Variants in HFE observed in about 807,000 individuals in gnomAD.
HFE encodes the protein hereditary hemochromatosis protein.
HFE carries 36 observed loss-of-function variants against 40.9 expected under a neutral mutation model. The observed-to-expected ratio is 0.88, with a 90% CI of 0.67 to 1.16. HFE has a LOEUF of 1.16. Ranked by LOEUF, HFE falls within the 50% of genes most tolerant of loss-of-function variation. HFE has a pLI of 0.00. For missense variants in HFE, 376 were observed against 432.0 expected (o/e 0.87, Z 1.15); for synonymous variants, 157 against 165.4 (o/e 0.95, Z 0.39).
At chr6:26,092,350 A>G (rs2113758908) in intron 3 of HFE, among the ~76,000 whole-genome samples, 1 of 152,304 alleles carries the variant, frequency 6.6e-6, no homozygotes, top group East Asian at 1.9e-4. Context: ...TCCGCTTCTT[A>G]TAACAATGCC....
chr6:26,093,254 G>T (rs1762861558), intron 5 of HFE, 22 bp downstream of exon 5: 2 of 1,518,410 alleles, frequency 1.3e-6, no homozygotes, highest in Admixed American at 3.3e-5. Context: ...CAAGGGGGAA[G>T]TCTCTTAGTA....
In HFE at chr6:26,094,194, A is replaced by AG. The variant is rs754949709; in HGVS notation, c.1015_1016insG (p.Met339SerfsTer8). 2.7e-5 allele frequency: 44 copies of AG among 1,613,924 alleles called. No individual in the cohort carries two copies. In the African/African-American group the frequency reaches 5.7e-4, roughly 21 times the overall value. On this transcript the variant is annotated frameshift_variant, in exon 6 of 6. Coordinates refer to ENST00000357618, the MANE Select transcript of HFE (RefSeq NM_000410.4). LOFTEE classifies it high-confidence loss of function. Reference sequence around the variant, plus strand: ...GTCTCTTGTCTCCACAGGAGGAGCCATGGGGCACTACGTCTTAGCTGAACG... The same window carrying AG: ...GTCTCTTGTCTCCACAGGAGGAGCCAGTGGGGCACTACGTCTTAGCTGAACG...
Position 26,091,518 on chromosome 6 carries a change from A to G in HFE, c.545A>G (p.Tyr182Cys), listed in dbSNP as rs549729183. ...ATTCGGGCCAGGCAGAACAGGGCCTACCTGGAGAGGGACTGCCCTGCACAG... is the reference window on the plus strand; with the variant it reads ...ATTCGGGCCAGGCAGAACAGGGCCTGCCTGGAGAGGGACTGCCCTGCACAG... ...HKIRARQNRA[Y>C]LERDCPAQLQ... Residue 182 changes from tyrosine (Y) to cysteine (C), a missense_variant, in exon 3 of 6, where the codon TAC becomes TGC. By Grantham distance (194) the Tyr-to-Cys change is radical (BLOSUM62 -2). Transcript: ENST00000357618. The G allele has an allele frequency of 1.6e-5, 26 of 1,614,112 alleles. No homozygotes were observed. In the South Asian group the frequency reaches 2.7e-4, roughly 17 times the overall value.
Position 26,098,172 on chromosome 6 carries a change from G to T in HFE, c.*3946G>T, listed in dbSNP as rs1377341500. On this transcript the variant is annotated 3_prime_UTR_variant, in exon 6 of 6. Transcript: ENST00000357618. ...AAAGCCTAGGATGCGTTGACATCCT[G>T]CATGCATTTATTACTTGATATGCAT... The T allele has an allele frequency of 1.3e-5, 2 of 152,152 alleles. No homozygotes were observed. The highest frequency in any genetic ancestry group is 2.9e-5 in the Non-Finnish European group (2 of 68,032). 9.4% of individuals were successfully genotyped at this position (152,152 alleles called of 1,614,324 possible).
Position 26,095,165 on chromosome 6 carries a change from T to G in HFE, c.*939T>G, listed in dbSNP as rs565076857. On this transcript the variant is annotated 3_prime_UTR_variant, in exon 6 of 6. Coordinates refer to ENST00000357618, the MANE Select transcript of HFE (RefSeq NM_000410.4). ...TCTTACAATAATTCTATGAGATAGG[T>G]ACTATTATCCCCATTTCTTTTTTAA... 6.6e-6 allele frequency: 1 copy of G among 152,396 alleles called. No individual in the cohort carries two copies. Among genetic ancestry groups the G allele is most frequent in the Non-Finnish European group, 1.5e-5 (1 of 68,080 alleles). The allele number at this position is 152,396 out of a possible 1,614,324, so 9.4% of individuals were successfully genotyped here.
At chr6:26,087,602 C>A in intron 1 of HFE, 86 bp downstream of exon 1, 1 of 1,263,944 alleles carries the variant, frequency 7.9e-7, no homozygotes, top group Non-Finnish European at 1.1e-6. Context: ...TGGGAGTTTG[C>A]TAACTTTGGA....
Position 26,093,208 on chromosome 6 carries a change from A to G in HFE, c.982A>G (p.Ile328Val), listed in dbSNP as rs1462619607. Residue 328 changes from isoleucine to valine, a missense_variant, in exon 5 of 6, where the codon ATA becomes GTA. By Grantham distance (29) the Ile-to-Val change is conservative. Transcript: ENST00000357618. ...VILFIGILFIILRKRQGSRGA... is the reference protein window; with the variant it reads ...VILFIGILFIVLRKRQGSRGA... ...CTTGTTCATTGGAATTTTGTTCATA[A>G]TATTAAGGAAGAGGCAGGGTTCAAG... The G allele has an allele frequency of 5.6e-6, 9 of 1,613,504 alleles. No individual in the cohort carries two copies. The highest frequency in any genetic ancestry group is 7.6e-6 in the Non-Finnish European group (9 of 1,179,536).
chr6:26,092,014 A>C (rs1176637900), intron 3 of HFE, among the ~76,000 whole-genome samples: 1 of 151,898 alleles, frequency 6.6e-6, no homozygotes, highest in East Asian at 1.9e-4. Context: ...GTCTCTAAAA[A>C]AATACAAAAA....
rs1481356825 is a variant in HFE at position 26,097,587 on chromosome 6, G to A, written c.*3361G>A. 1.3e-5 allele frequency: 2 copies of A among 152,160 alleles called. No individual in the cohort carries two copies. Among genetic ancestry groups the A allele is most frequent in the East Asian group, 1.9e-4 (1 of 5,200 alleles). 9.4% of individuals were successfully genotyped at this position (152,160 alleles called of 1,614,324 possible). ...GAGGGGCGTGCACTGGAAATCACTT[G>A]TAGAGAAAAGCCCCTGAAAATTTGA... On this transcript the variant is annotated 3_prime_UTR_variant, in exon 6 of 6. Coordinates refer to ENST00000357618, the MANE Select transcript of HFE (RefSeq NM_000410.4).
Position 26,097,178 on chromosome 6 carries a change from T to C in HFE, c.*2952T>C, listed in dbSNP as rs1157721753. 1 of 152,424 alleles carries C rather than the reference T, an allele frequency of 6.6e-6. No individual in the cohort carries two copies. The highest frequency in any genetic ancestry group is 1.5e-5 in the Non-Finnish European group (1 of 68,192). 9.4% of individuals were successfully genotyped at this position (152,424 alleles called of 1,614,324 possible). A position where few individuals can be genotyped will look rare whatever the true frequency, so the allele number is the denominator to read the frequency against. On this transcript the variant is annotated 3_prime_UTR_variant, in exon 6 of 6. Transcript: ENST00000357618. Reference sequence around the variant, plus strand: ...ATTTATTAGGTAAGCATTTGTTTTATATTGGTTTTATTTCACCTGGGCTGA... The same window carrying C: ...ATTTATTAGGTAAGCATTTGTTTTACATTGGTTTTATTTCACCTGGGCTGA...
At position 26,089,308 on chromosome 6, in the gene HFE, A is replaced by AACT. The variant is rs766375808; in HGVS notation, c.77-1532_77-1531insCTA. Reference sequence around the variant, plus strand: ...GAAGCTCGGGTTGAAAAAAATAAACAAGTAGTGCTGGGGAGTAGAGGCCAA... The same window carrying AACT: ...GAAGCTCGGGTTGAAAAAAATAAACAACTAGTAGTGCTGGGGAGTAGAGGCCAA... On this transcript the variant is annotated intron_variant, in intron 1 of 5. Transcript: ENST00000357618. 1.3e-3 allele frequency among the ~76,000 whole-genome samples: 199 copies of AACT among 152,108 alleles called. 1 individual carries two copies. Among genetic ancestry groups the AACT allele is most frequent in the Admixed American group, 5.8e-3 (89 of 15,286 alleles).
At position 26,087,551 on chromosome 6, in the gene HFE, G is replaced by A. The variant is rs62625319; in HGVS notation, c.76+35G>A. The A allele has an allele frequency of 1.6e-3, 2,602 of 1,581,458 alleles. 24 individuals are homozygous for A. In the African/African-American group the frequency reaches 0.03, roughly 18 times the overall value. ...AGGGCTGCGGGCGAACTAGGGGCGC[G>A]GCGGGGGTGGAAAAATCGAAACTAG... On this transcript the variant is annotated intron_variant, in intron 1 of 5. Transcript: ENST00000357618.
intron 1 of HFE, 128 bp from the exon 2 acceptor site, chr6:26,090,713 T>C: frequency 2.0e-6 from 2 of 986,048 alleles, no homozygotes; most frequent in Non-Finnish European, 3.2e-6. Context: ...AAGACAGGAC[T>C]GCAACTCACC....
rs368122334 is a variant in HFE, at chr6:26,094,198, G to A, written c.1019G>A (p.Gly340Glu). Residue 340 changes from glycine (G) to glutamate (E), a missense_variant, in exon 6 of 6, where the codon GGG becomes GAG. Around this residue, in one of 3 missense-constraint regions of HFE, gnomAD observed 173 missense variants for 186.9 expected, o/e 0.93. Transcript: ENST00000357618. ...RKRQGSRGAM[G>E]HYVLAERE ...CTTGTCTCCACAGGAGGAGCCATGG[G>A]GCACTACGTCTTAGCTGAACGTGAG... is the stretch of plus-strand genomic sequence containing the variant. The A allele has an allele frequency of 6.2e-7, 1 of 1,613,994 alleles. No individual in the cohort carries two copies. The highest frequency in any genetic ancestry group is 2.2e-5 in the East Asian group (1 of 44,888).
At position 26,094,572 on chromosome 6, in the gene HFE, T is replaced by A. The variant is rs573771022; in HGVS notation, c.*346T>A. ...ATTTTTGGAAGAGGACTCCTTAAAT[T>A]TGGGGGACTTACATGATTCATTTTA... is the stretch of plus-strand genomic sequence containing the variant. On this transcript the variant is annotated 3_prime_UTR_variant, in exon 6 of 6. Coordinates refer to ENST00000357618, the MANE Select transcript of HFE (RefSeq NM_000410.4). 2.0e-5 allele frequency: 13 copies of A among 659,360 alleles called. No homozygotes were observed. The highest frequency in any genetic ancestry group is 3.0e-5 in the Non-Finnish European group (11 of 366,216). 40.8% of individuals were successfully genotyped at this position (659,360 alleles called of 1,614,324 possible).
chr6:26,094,176 G>C lies in HFE; in HGVS notation c.1007-10G>C, dbSNP rs764149314. ...GTGATGCCTCTTTCCTGGGTCTCTT[G>C]TCTCCACAGGAGGAGCCATGGGGCA... On this transcript the variant is annotated splice_polypyrimidine_tract_variant and intron_variant, in intron 5 of 5. Coordinates refer to ENST00000357618, the MANE Select transcript of HFE (RefSeq NM_000410.4). 1 of 1,613,754 alleles carries C rather than the reference G, an allele frequency of 6.2e-7. No homozygotes were observed. Among genetic ancestry groups the C allele is most frequent in the African/African-American group, 1.3e-5 (1 of 75,032 alleles).
chr6:26,087,621 T>C (rs1762373631), intron 1 of HFE, 105 bp downstream of exon 1: 2 of 965,662 alleles, frequency 2.1e-6, no homozygotes, highest in Admixed American at 2.1e-5. Flanking sequence ...GAGGACCTGC[T>C]CAACCCTATC....
rs944184635 is a variant in HFE, at chr6:26,097,733, C to G, written c.*3507C>G. ...CAAACCACTCTGATAATCATTGAGT[C>G]AAGTACAGCAGGTGATTGAGGACTG... On this transcript the variant is annotated 3_prime_UTR_variant, in exon 6 of 6. Coordinates refer to ENST00000357618, the MANE Select transcript of HFE (RefSeq NM_000410.4). 1.3e-5 allele frequency: 2 copies of G among 152,164 alleles called. No homozygotes were observed. Among genetic ancestry groups the G allele is most frequent in the Non-Finnish European group, 2.9e-5 (2 of 68,044 alleles). The allele number at this position is 152,164 out of a possible 1,614,324, so 9.4% of individuals were successfully genotyped here.
chr6:26,094,024 G>C (rs1325122577), intron 5 of HFE, among the ~76,000 whole-genome samples, 162 bp from the exon 6 acceptor site: 2 of 152,170 alleles, frequency 1.3e-5, no homozygotes, highest in African/African-American at 4.8e-5. Context: ...AGACCAGTTA[G>C]AAAGCCAATA....
Sources: allele counts gnomAD v4.1 joint callset (sites outside exome capture counted in the v4.1 genomes callset), GRCh38; gene constraint gnomAD v4.1.1; regional missense constraint gnomAD v4.1.1; transcripts MANE v1.5; gene names NCBI Gene and HGNC (gene_info 2026-07-23, HGNC 2026-07-21).